CBX2: variants seen among roughly 807,000 people sequenced by gnomAD.
CBX2 encodes the protein chromobox protein homolog 2.
A neutral mutation model predicts 21.0 loss-of-function variants in CBX2; 11 were observed. That is an observed-to-expected ratio of 0.52 (90% confidence interval 0.33 to 0.87). CBX2 has a LOEUF of 0.87. Ranked by LOEUF, CBX2 falls within the 40% of genes least tolerant of loss-of-function variation. The pLI is 0.02. For missense variants in CBX2, 746 were observed against 724.3 expected (o/e 1.03, Z -0.34); for synonymous variants, 364 against 304.6 (o/e 1.19, Z -2.03).
At position 79,778,578 on chromosome 17, in the gene CBX2, G is replaced by C; in HGVS notation, c.116+151G>C. 1 of 449,852 alleles carries C rather than the reference G, an allele frequency of 2.2e-6. No homozygotes were observed. The highest frequency in any genetic ancestry group is 3.7e-6 in the Non-Finnish European group (1 of 266,992). The allele number at this position is 449,852 out of a possible 1,614,324, so 27.9% of individuals were successfully genotyped here. A position where few individuals can be genotyped will look rare whatever the true frequency, so the allele number is the denominator to read the frequency against. On this transcript the variant is annotated intron_variant, in intron 2 of 4. Transcript: ENST00000310942. The surrounding 1 kb of genome is among the most constrained non-coding windows in gnomAD (Gnocchi z 4.8). ...TCCCCGCGGGCTCCTCCGGCTCTGA[G>C]GGGGGCGGGGGCCGCCCGGCCCGAG... is the stretch of plus-strand genomic sequence containing the variant.
At position 79,783,966 on chromosome 17, in the gene CBX2, G is replaced by A. The variant is rs1555831011; in HGVS notation, c.523G>A (p.Ala175Thr). 5 of 1,613,722 alleles carry A rather than the reference G, an allele frequency of 3.1e-6. No individual in the cohort carries two copies. The highest frequency in any genetic ancestry group is 2.7e-5 in the African/African-American group (2 of 74,930). The change falls in exon 5 of 5, where the codon GCA becomes ACA. Residue 175 changes from alanine (A) to threonine (T), a missense_variant. By Grantham distance (58) the Ala-to-Thr change is moderately conservative. This residue lies in a region of CBX2 where 701 missense variants were observed against 650.7 expected (regional missense o/e 1.08). Coordinates refer to ENST00000310942, the MANE Select transcript of CBX2 (RefSeq NM_005189.3). Reference sequence around the variant, plus strand: ...AAAGCCCCTGCCCCCAGAGCAAAAGGCAACCCGAAGACCCGTGAGCCTGGC... The same window carrying A: ...AAAGCCCCTGCCCCCAGAGCAAAAGACAACCCGAAGACCCGTGAGCCTGGC... ...GRKPLPPEQK[A>T]TRRPVSLAKV...
At chr17:79,781,647 A>G (rs1555830238) in intron 3 of CBX2, 49 bp from the exon 4 acceptor site, 3 of 1,486,124 alleles carry the variant, frequency 2.0e-6, no homozygotes, top group Admixed American at 3.3e-5. Context: ...ACATGGTAGA[A>G]GGGGTACGCA....
Position 79,778,906 on chromosome 17 carries a change from T to C in CBX2, c.117-456T>C, listed in dbSNP as rs1906944774. 6.6e-6 allele frequency among the ~76,000 whole-genome samples: 1 copy of C among 151,922 alleles called. No homozygotes were observed. Among genetic ancestry groups the C allele is most frequent in the African/African-American group, 2.4e-5 (1 of 41,330 alleles). On this transcript the variant is annotated intron_variant, in intron 2 of 4. Coordinates refer to ENST00000310942, the MANE Select transcript of CBX2 (RefSeq NM_005189.3). This position sits in a 1 kb window ranked among gnomAD's most constrained non-coding sequence, Gnocchi z 4.8. Reference sequence around the variant, plus strand: ...GTTTCTGCGTCTTCCCGGACCCCGCTCTTTCTTCGCTACCCCTCGAGGTGC... The same window carrying C: ...GTTTCTGCGTCTTCCCGGACCCCGCCCTTTCTTCGCTACCCCTCGAGGTGC...
At position 79,781,718 on chromosome 17, in the gene CBX2, A is replaced by T. The variant is rs1555830268; in HGVS notation, c.205A>T (p.Asn69Tyr). The T allele has an allele frequency of 6.2e-7, 1 of 1,614,000 alleles. No individual in the cohort carries two copies. Among genetic ancestry groups the T allele is most frequent in the South Asian group, 1.1e-5 (1 of 91,080 alleles). Residue 69 changes from asparagine (N) to tyrosine (Y), a missense_variant, in exon 4 of 5, where the codon AAC becomes TAC. Transcript: ENST00000310942. ...QKKEHEKEVQ[N>Y]RKRGKRPRGR... is the part of the protein sequence containing the mutation. The stretch of plus-strand genomic sequence containing the variant: ...CAGGGAACATGAGAAGGAGGTGCAG[A>T]ACCGGAAGAGAGGCAAGAGGCCGAG...
rs781961156 is a variant in CBX2, at chr17:79,784,183, G to A, written c.740G>A (p.Arg247Gln). The A allele has an allele frequency of 4.5e-5, 72 of 1,612,716 alleles. No homozygotes were observed. Among genetic ancestry groups the A allele is most frequent in the South Asian group, 2.0e-4 (18 of 91,092 alleles). ...LMKGMASSPG[R>Q]GGISWQSSIV... Reference sequence around the variant, plus strand: ...AAGGGCATGGCCAGTAGCCCCGGCCGGGGTGGCATCAGCTGGCAGAGCTCC... The same window carrying A: ...AAGGGCATGGCCAGTAGCCCCGGCCAGGGTGGCATCAGCTGGCAGAGCTCC... Residue 247 changes from arginine to glutamine, a missense_variant, in exon 5 of 5, where the codon CGG becomes CAG. By Grantham distance (43) the Arg-to-Gln change is conservative (BLOSUM62 1). Coordinates refer to ENST00000310942, the MANE Select transcript of CBX2 (RefSeq NM_005189.3). The surrounding 1 kb of genome is among the most constrained non-coding windows in gnomAD (Gnocchi z 5.9).
rs978297495 is a variant in CBX2 at position 79,781,590 on chromosome 17, G to A, written c.183-106G>A. 8 of 951,680 alleles carry A rather than the reference G, an allele frequency of 8.4e-6. No homozygotes were observed. The East Asian group carries it at 1.9e-4, about 23-fold the overall frequency. 59.0% of individuals were successfully genotyped at this position (951,680 alleles called of 1,614,324 possible). On this transcript the variant is annotated intron_variant, in intron 3 of 4. Coordinates refer to ENST00000310942, the MANE Select transcript of CBX2 (RefSeq NM_005189.3). ...GATGTGTTTGCGGCAAACAGGATAA[G>A]CTATTACAGGCCAACAGGAATAGGG...
Position 79,785,975 on chromosome 17 carries a change from GCCCAGAGTTCAGTGTGT to G in CBX2, c.*938_*954del, listed in dbSNP as rs1907607607. On this transcript the variant is annotated 3_prime_UTR_variant, in exon 5 of 5. Transcript: ENST00000310942. ...CTGAAGCATGTTCCATTTCTAAAAA[GCCCAGAGTTCAGTGTGT>G]CCCAAGGAAAACCCAAAGTGGAGGT... The G allele has an allele frequency of 6.6e-6, 1 of 152,564 alleles. No individual in the cohort carries two copies. Among genetic ancestry groups the G allele is most frequent in the African/African-American group, 2.4e-5 (1 of 41,458 alleles). 9.5% of individuals were successfully genotyped at this position (152,564 alleles called of 1,614,324 possible). A position where few individuals can be genotyped will look rare whatever the true frequency, so the allele number is the denominator to read the frequency against.
intron 4 of CBX2, 131 bp from the exon 5 acceptor site, chr17:79,783,601 G>A: frequency 1.3e-6 from 1 of 756,186 alleles, no homozygotes; most frequent in East Asian, 2.7e-5. Context: ...GTAGAAACAG[G>A]GCTCCACTAT....
intron 4 of CBX2, chr17:79,782,081 A>G: frequency 6.2e-7 from 1 of 1,613,766 alleles, no homozygotes. Context: ...AAACTGCTGC[A>G]GACAAGCACT....
rs76915888 is a variant in CBX2, at chr17:79,784,798, C to T, written c.1355C>T (p.Ala452Val). The change falls in exon 5 of 5, where the codon GCG (alanine) becomes GTG (valine). Residue 452 changes from alanine to valine, a missense_variant. By Grantham distance (64) the Ala-to-Val change is moderately conservative. This residue lies in a region of CBX2 where 701 missense variants were observed against 650.7 expected (regional missense o/e 1.08). Transcript: ENST00000310942. This position sits in a 1 kb window ranked among gnomAD's most constrained non-coding sequence, Gnocchi z 5.9. ...SRTAPGEARKAATLPEMSAGE... is the reference protein window; with the variant it reads ...SRTAPGEARKVATLPEMSAGE... Reference sequence around the variant, plus strand: ...ACAGCCCCCGGAGAAGCCCGCAAGGCGGCCACACTGCCAGAGATGAGCGCA... The same window carrying T: ...ACAGCCCCCGGAGAAGCCCGCAAGGTGGCCACACTGCCAGAGATGAGCGCA... 15,530 of 1,610,558 alleles carry T rather than the reference C, an allele frequency of 9.6e-3. 896 individuals are homozygous for T. In the African/African-American group the frequency reaches 0.15, roughly 15 times the overall value.
chr17:79,783,503 G>C (rs545157216), intron 4 of CBX2, among the ~76,000 whole-genome samples: 2 of 150,924 alleles, frequency 1.3e-5, no homozygotes, highest in African/African-American at 2.4e-5. Flanking sequence ...TCCACCTCCC[G>C]ATTTGAAGCA....
At position 79,784,542 on chromosome 17, in the gene CBX2, G is replaced by T; in HGVS notation, c.1099G>T (p.Gly367Trp). 6.2e-7 allele frequency: 1 copy of T among 1,612,664 alleles called. No homozygotes were observed. Among genetic ancestry groups the T allele is most frequent in the South Asian group, 1.1e-5 (1 of 91,078 alleles). ...DLQSVKNGMPGVGLLARHATA... is the reference protein window; with the variant it reads ...DLQSVKNGMPWVGLLARHATA... ...GCAGAGTGTCAAGAATGGCATGCCC[G>T]GGGTGGGTCTCCTTGCCCGCCACGC... Residue 367 changes from glycine (G) to tryptophan (W), a missense_variant, in exon 5 of 5, where the codon GGG (glycine) becomes TGG (tryptophan). Gly to Trp is a radical substitution (Grantham distance 184, BLOSUM62 -2). Around this residue, in one of 2 missense-constraint regions of CBX2, gnomAD observed 701 missense variants for 650.7 expected, o/e 1.08. Coordinates refer to ENST00000310942, the MANE Select transcript of CBX2 (RefSeq NM_005189.3). This position sits in a 1 kb window ranked among gnomAD's most constrained non-coding sequence, Gnocchi z 5.9.
At chr17:79,781,381 C>G (rs1374489940) in intron 3 of CBX2, among the ~76,000 whole-genome samples, 1 of 152,134 alleles carries the variant, frequency 6.6e-6, no homozygotes, top group African/African-American at 2.4e-5. Flanking sequence ...TTAGAATATG[C>G]TAGAATTTCC....
rs1317053009 is a variant in CBX2 at position 79,778,162 on chromosome 17, T to C, written c.-74T>C. On this transcript the variant is annotated 5_prime_UTR_variant, in exon 1 of 5. Transcript: ENST00000310942. This position sits in a 1 kb window ranked among gnomAD's most constrained non-coding sequence, Gnocchi z 4.8. The stretch of plus-strand genomic sequence containing the variant: ...CGGGCGGGGGCGGTGCTTTGTGTGC[T>C]GCCGGCGGGGCGCGCGGCGGTCCGG... 1,439 of 879,200 alleles carry C rather than the reference T, an allele frequency of 1.6e-3. 37 individuals are homozygous for C. The East Asian group carries it at 0.051, about 31-fold the overall frequency. The allele number at this position is 879,200 out of a possible 1,614,324, so 54.5% of individuals were successfully genotyped here.
rs1174728351 is a variant in CBX2, at chr17:79,778,599, C to T, written c.116+172C>T. Among the ~76,000 whole-genome samples, 4 of 151,602 alleles carry T rather than the reference C, an allele frequency of 2.6e-5. No homozygotes were observed. The East Asian group carries it at 5.9e-4, about 22-fold the overall frequency. ...CTGAGGGGGGCGGGGGCCGCCCGGC[C>T]CGAGGTTGCCCTTTGTTTACACGCC... is the stretch of plus-strand genomic sequence containing the variant. On this transcript the variant is annotated intron_variant, in intron 2 of 4. Transcript: ENST00000310942. The surrounding 1 kb of genome is among the most constrained non-coding windows in gnomAD (Gnocchi z 4.8).
At chr17:79,779,137 G>C (rs563337531) in intron 2 of CBX2, among the ~76,000 whole-genome samples, 2 of 152,342 alleles carry the variant, frequency 1.3e-5, no homozygotes, top group Admixed American at 1.3e-4. Context: ...TAATTGGGGG[G>C]TTGGAGCGGC....
At chr17:79,779,509 C>T (rs782568075) in intron 3 of CBX2, 82 bp downstream of exon 3, 77 of 1,303,776 alleles carry the variant, frequency 5.9e-5, no homozygotes, top group Non-Finnish European at 8.1e-5. Context: ...GCTCGCCTGC[C>T]GGGAGGCTGG....
intron 4 of CBX2, chr17:79,782,375 G>T (rs1555830610): frequency 1.4e-6 from 2 of 1,421,234 alleles, no homozygotes; most frequent in Non-Finnish European, 1.8e-6. Flanking sequence ...TCGCTACAGT[G>T]ATGGGCTCAC....
rs376662820 is a variant in CBX2, at chr17:79,785,072, A to C, written c.*30A>C. The C allele has an allele frequency of 2.0e-4, 320 of 1,564,036 alleles. 1 individual carries two copies. The Middle Eastern group carries it at 2.3e-3, about 11-fold the overall frequency. On this transcript the variant is annotated 3_prime_UTR_variant, in exon 5 of 5. Coordinates refer to ENST00000310942, the MANE Select transcript of CBX2 (RefSeq NM_005189.3). ...CCGGCGCCACCAGCTGCGCGGTCTT[A>C]CTCCCCTTCCCTGCCTATGGTGTCG...
Sources: gnomAD v4.1 joint callset for allele counts (sites outside exome capture counted in the v4.1 genomes callset) on GRCh38, gnomAD v4.1.1 for gene constraint, gnomAD v4.1.1 regional missense constraint, Gnocchi (gnomAD v3.1) non-coding constraint, MANE v1.5 for transcripts, NCBI Gene and HGNC (gene_info 2026-07-23, HGNC 2026-07-21) for gene names.